NAV3: variants seen among roughly 807,000 people sequenced by gnomAD.
NAV3 encodes the protein pore membrane and/or filament interacting like protein 1.
Under a neutral mutation model 244.7 loss-of-function variants are expected in NAV3, and 87 were observed. The ratio of observed to expected loss-of-function variants is 0.36; its 90% confidence interval spans 0.30 to 0.42. The LOEUF is 0.42. Among genes scored for constraint, NAV3 ranks in the 20% least tolerant of loss-of-function variants. The probability of loss-of-function intolerance (pLI) is 1.00; values close to 1 mark genes in which losing one functional copy is unlikely to be tolerated. For missense variants in NAV3, 2,663 were observed against 2,893.3 expected, an observed-to-expected ratio of 0.92 and a Z score of 1.83; for synonymous variants, 1,126 against 1,042.2, an observed-to-expected ratio of 1.08 and a Z score of -1.55.
At chr12:77,939,041 G>A (rs1889610120) in intron 1 of NAV3, among the ~76,000 whole-genome samples, 1 of 151,650 alleles carries the variant, frequency 6.6e-6, no homozygotes, top group Non-Finnish European at 1.5e-5. Context: ...AAAATGGACA[G>A]GGTTGAAAGT....
intron 20 of NAV3, 116 bp from the exon 21 acceptor site, chr12:78,146,253 A>G (rs919085368): frequency 1.7e-5 from 6 of 352,174 alleles, no homozygotes; most frequent in Non-Finnish European, 3.1e-5. Flanking sequence ...ATTTCATTCT[A>G]TTCTTCTCAT....
intron 8 of NAV3, among the ~76,000 whole-genome samples, chr12:78,013,759 G>T (rs1213291491): frequency 6.6e-6 from 1 of 152,042 alleles, no homozygotes; most frequent in African/African-American, 2.4e-5. Context: ...GATGAACCAG[G>T]TTAAATGTAT....
intron 9 of NAV3, among the ~76,000 whole-genome samples, chr12:78,042,497 T>C (rs1881031298): frequency 6.6e-6 from 1 of 152,190 alleles, no homozygotes; most frequent in Non-Finnish European, 1.5e-5. Flanking sequence ...ATTGCTTCCA[T>C]AAGAAAAGAC....
At chr12:77,775,251 G>A (rs1485729276) in intron 2 of NAV3, among the ~76,000 whole-genome samples, 2 of 151,938 alleles carry the variant, frequency 1.3e-5, no homozygotes, top group Admixed American at 6.6e-5. Context: ...AATTAGCCAG[G>A]CATGGTGGTT....
intron 9 of NAV3, among the ~76,000 whole-genome samples, chr12:78,047,412 G>A (rs948508907): frequency 3.0e-4 from 46 of 152,144 alleles, no homozygotes; most frequent in Admixed American, 2.6e-3. Context: ...GTGTGAACCC[G>A]GGAGGCGGAG....
intron 13 of NAV3, 147 bp downstream of exon 13, chr12:78,117,051 C>CCACT: frequency 1.1e-6 from 1 of 886,008 alleles, no homozygotes; most frequent in Non-Finnish European, 1.6e-6. Flanking sequence ...ACTCCCTTTG[C>CCACT]CACTCCTGAA....
chr12:78,059,027 A>C lies in NAV3; in HGVS notation c.2548A>C (p.Thr850Pro). Residue 850 changes from threonine (T) to proline (P), a missense_variant, in exon 12 of 40, where the codon ACT (threonine) becomes CCT (proline). Physicochemically the swap from Thr to Pro is conservative, Grantham distance 38. This residue lies in a region of NAV3 where 1,521 missense variants were observed against 1,497.0 expected (regional missense o/e 1.02). Transcript: ENST00000397909. The part of the protein sequence containing the change: ...YMTDGGLNLY[T>P]RSLNRIPDTA... Reference sequence around the variant, plus strand: ...GACAGATGGAGGACTTAACCTATATACTAGAAGTCTGAACCGAATACCAGA... The same window carrying C: ...GACAGATGGAGGACTTAACCTATATCCTAGAAGTCTGAACCGAATACCAGA... 1 of 1,609,864 alleles carries C rather than the reference A, an allele frequency of 6.2e-7. No individual in the cohort carries two copies. Among genetic ancestry groups the C allele is most frequent in the Non-Finnish European group, 8.5e-7 (1 of 1,177,988 alleles).
At chr12:78,138,862 A>G (rs1956485359) in intron 19 of NAV3, among the ~76,000 whole-genome samples, 1 of 152,128 alleles carries the variant, frequency 6.6e-6, no homozygotes, top group Non-Finnish European at 1.5e-5. Flanking sequence ...TGAATACTGA[A>G]CTATTCTAGT....
intron 12 of NAV3, among the ~76,000 whole-genome samples, chr12:78,064,422 T>TGC (rs1566082119): frequency 3.5e-5 from 4 of 112,976 alleles, no homozygotes; most frequent in African/African-American, 9.8e-5. Flanking sequence ...TGTCTGTCTG[T>TGC]CTGTCTGCCT....
intron 3 of NAV3, among the ~76,000 whole-genome samples, chr12:77,963,166 A>G (rs1051221881): frequency 6.6e-6 from 1 of 152,156 alleles, no homozygotes; most frequent in Non-Finnish European, 1.5e-5. Flanking sequence ...TTGACATTAA[A>G]TATGGAAAAA....
At chr12:78,091,120 A>C (rs1953909892) in intron 12 of NAV3, among the ~76,000 whole-genome samples, 1 of 152,126 alleles carries the variant, frequency 6.6e-6, no homozygotes, top group African/African-American at 2.4e-5. Flanking sequence ...AATAGACCTG[A>C]TTGCTAACCT....
intron 1 of NAV3, among the ~76,000 whole-genome samples, chr12:77,837,467 C>G (rs915259183): frequency 2.0e-5 from 3 of 152,018 alleles, no homozygotes; most frequent in African/African-American, 7.2e-5. Flanking sequence ...CCAAACACTT[C>G]ATAGAGTATT....
chr12:77,941,719 A>G (rs1192247123), intron 3 of NAV3, among the ~76,000 whole-genome samples: 1 of 152,220 alleles, frequency 6.6e-6, no homozygotes, highest in East Asian at 1.9e-4. Flanking sequence ...TTCAAGTTTT[A>G]TAATAAAGTC....
intron 2 of NAV3, among the ~76,000 whole-genome samples, chr12:77,701,458 T>C (rs1875559164): frequency 6.6e-6 from 1 of 151,920 alleles, no homozygotes; most frequent in African/African-American, 2.4e-5. Flanking sequence ...AGAGGTTTAT[T>C]AATTATATTA....
intron 1 of NAV3, among the ~76,000 whole-genome samples, chr12:77,898,855 C>T (rs1027315727): frequency 6.6e-6 from 1 of 152,036 alleles, no homozygotes; most frequent in Non-Finnish European, 1.5e-5. Context: ...AAGGATTCAC[C>T]ATTATAGATG....
intron 23 of NAV3, 137 bp downstream of exon 23, chr12:78,159,423 G>GTCTCCCAAAGTGGT: frequency 4.2e-6 from 3 of 719,234 alleles, no homozygotes; most frequent in Non-Finnish European, 6.6e-6. Flanking sequence ...CACCACTTTG[G>GTCTCCCAAAGTGGT]GAGACCAAGG....
chr12:78,100,420 A>G (rs901245196), intron 12 of NAV3, among the ~76,000 whole-genome samples: 1 of 151,876 alleles, frequency 6.6e-6, no homozygotes. Flanking sequence ...CAAGAGACCT[A>G]GAGTCTCTTT....
intron 8 of NAV3, among the ~76,000 whole-genome samples, chr12:78,008,677 T>A (rs1244617796): frequency 6.9e-6 from 1 of 144,470 alleles, no homozygotes; most frequent in Non-Finnish European, 1.6e-5. Context: ...ATGAGGAATG[T>A]AAGTGCTTTT....
rs540042043 is a variant in NAV3, at chr12:77,726,963, A to G, written c.72+154697A>G. 3.3e-5 allele frequency among the ~76,000 whole-genome samples: 5 copies of G among 152,078 alleles called. No individual in the cohort carries two copies. In the East Asian group the frequency reaches 9.7e-4, roughly 29 times the overall value. ...TTTCATGTTAAAAACAAGGAAAGCT[A>G]TAGAACAGTTTTAATCGAAGGAGAA... On this transcript the variant is annotated intron_variant, in intron 2 of 8. Transcript: ENST00000550042.
Sources: gnomAD v4.1 joint callset for allele counts (sites outside exome capture counted in the v4.1 genomes callset) on GRCh38, gnomAD v4.1.1 for gene constraint, gnomAD v4.1.1 regional missense constraint, MANE v1.5 for transcripts, NCBI Gene and HGNC (gene_info 2026-07-23, HGNC 2026-07-21) for gene names.